BBS9: variants seen among roughly 807,000 people sequenced by gnomAD.
BBS9 encodes the protein protein PTHB1.
Under a neutral mutation model 117.7 loss-of-function variants are expected in BBS9, and 89 were observed. That is an observed-to-expected ratio of 0.76 (90% CI 0.64 to 0.90). The LOEUF is 0.90. Among genes scored for constraint, BBS9 ranks in the 40% least tolerant of loss-of-function variants. The pLI, the probability that BBS9 is intolerant of heterozygous loss-of-function variation, is 0.00. For synonymous variants in BBS9, 379 were observed against 370.9 expected (o/e 1.02, Z -0.25); for missense variants, 982 against 1,042.2 (o/e 0.94, Z 0.80).
At chr7:33,412,283 G>C (rs1191459273) in intron 19 of BBS9, among the ~76,000 whole-genome samples, 1 of 152,178 alleles carries the variant, frequency 6.6e-6, no homozygotes, top group African/African-American at 2.4e-5. Context: ...CATCTCCAGA[G>C]TAGGACTAAC....
At chr7:33,370,046 C>A (rs532528474) in intron 17 of BBS9, among the ~76,000 whole-genome samples, 29 of 152,184 alleles carry the variant, frequency 1.9e-4, no homozygotes, top group African/African-American at 6.7e-4. Flanking sequence ...GATTTTAGTT[C>A]CTTTTTCTGA....
chr7:33,378,646 A>G (rs1307109213), intron 17 of BBS9, among the ~76,000 whole-genome samples: 1 of 152,196 alleles, frequency 6.6e-6, no homozygotes, highest in Non-Finnish European at 1.5e-5. Flanking sequence ...TTGTCAGGAC[A>G]GTAAAAGGAA....
At chr7:33,350,929 C>T (rs1457557329) in intron 13 of BBS9, among the ~76,000 whole-genome samples, 1 of 152,084 alleles carries the variant, frequency 6.6e-6, no homozygotes, top group African/African-American at 2.4e-5. Flanking sequence ...TCTGGCCTCA[C>T]GTGATCCGCC....
chr7:33,340,821 A>G, intron 10 of BBS9, 76 bp from the exon 11 acceptor site: 2 of 1,329,682 alleles, frequency 1.5e-6, no homozygotes, highest in Non-Finnish European at 2.1e-6. Context: ...TGTGGTATAG[A>G]CAAACCTTTA....
intron 21 of BBS9, among the ~76,000 whole-genome samples, chr7:33,588,738 A>C (rs1392331304): frequency 6.6e-6 from 1 of 152,184 alleles, no homozygotes; most frequent in African/African-American, 2.4e-5. Flanking sequence ...TTCACAAGAC[A>C]ATTTTTGAAG....
At chr7:33,424,677 A>G (rs1833389955) in intron 19 of BBS9, among the ~76,000 whole-genome samples, 1 of 152,194 alleles carries the variant, frequency 6.6e-6, no homozygotes, top group Non-Finnish European at 1.5e-5. Context: ...ATTTTGTAGG[A>G]AATTTTAATA....
At chr7:33,252,723 C>T (rs149128085) in intron 5 of BBS9, among the ~76,000 whole-genome samples, 3 of 152,114 alleles carry the variant, frequency 2.0e-5, no homozygotes, top group African/African-American at 7.2e-5. Context: ...TCTTCAATAA[C>T]ACAGATATCA....
At chr7:33,538,381 G>T (rs2129066703) in intron 21 of BBS9, among the ~76,000 whole-genome samples, 1 of 152,258 alleles carries the variant, frequency 6.6e-6, no homozygotes, top group South Asian at 2.1e-4. Flanking sequence ...TAAGTGGATG[G>T]GAGAAAAGAC....
intron 19 of BBS9, among the ~76,000 whole-genome samples, chr7:33,405,240 G>A (rs777055132): frequency 2.6e-5 from 4 of 152,212 alleles, no homozygotes; most frequent in Admixed American, 1.3e-4. Context: ...TGCTGTATTC[G>A]GTTTGCCAGT....
At chr7:33,239,920 G>A (rs1583820795) in intron 5 of BBS9, among the ~76,000 whole-genome samples, 2 of 152,046 alleles carry the variant, frequency 1.3e-5, no homozygotes, top group East Asian at 3.9e-4. Flanking sequence ...GAGGTAGGAG[G>A]ATCCCATGAG....
chr7:33,276,817 C>T lies in BBS9; in HGVS notation c.1016+2861C>T, dbSNP rs73099205. 743 of 153,116 alleles carry T rather than the reference C, an allele frequency of 4.9e-3. 3 individuals are homozygous for T. Among genetic ancestry groups the T allele is most frequent in the Non-Finnish European group, 8.6e-3 (590 of 68,220 alleles). The allele number at this position is 153,116 out of a possible 1,614,324, so 9.5% of individuals were successfully genotyped here. ...GGAAGATACTTCCTTGCCACGTGAG[C>T]GCTGGTGGGCTTCTCACCTTTGCAA... On this transcript the variant is annotated intron_variant, in intron 9 of 22. Transcript: ENST00000242067.
Position 33,286,643 on chromosome 7 carries a change from A to G in BBS9, c.1016+12687A>G, listed in dbSNP as rs1257133672. Among the ~76,000 whole-genome samples, 4 of 152,166 alleles carry G rather than the reference A, an allele frequency of 2.6e-5. No homozygotes were observed. In the East Asian group the frequency reaches 7.7e-4, roughly 29 times the overall value. ...GGAAAAAGTTTGTGTTTTCTTAGTT[A>G]CTTACTGTAGAATATAAAAGAGAAA... On this transcript the variant is annotated intron_variant, in intron 9 of 22. Transcript: ENST00000242067.
chr7:33,302,160 T>C (rs1236395639), intron 9 of BBS9, among the ~76,000 whole-genome samples: 2 of 152,162 alleles, frequency 1.3e-5, no homozygotes, highest in African/African-American at 4.8e-5. Flanking sequence ...TAGAGCTCCT[T>C]ATATATTCTG....
intron 9 of BBS9, among the ~76,000 whole-genome samples, chr7:33,305,373 A>AT (rs1266605919): frequency 6.6e-6 from 1 of 151,894 alleles, no homozygotes; most frequent in Non-Finnish European, 1.5e-5. Context: ...TTATTTATTT[A>AT]TTTTTTTGAT....
intron 19 of BBS9, among the ~76,000 whole-genome samples, chr7:33,445,531 A>G (rs1366029276): frequency 6.6e-6 from 1 of 152,216 alleles, no homozygotes; most frequent in Non-Finnish European, 1.5e-5. Context: ...GACCAGATTG[A>G]GAAATTGAGG....
chr7:33,169,151 T>TG (rs1464559278), intron 4 of BBS9, among the ~76,000 whole-genome samples: 1 of 151,532 alleles, frequency 6.6e-6, no homozygotes, highest in Non-Finnish European at 1.5e-5. Context: ...CATCATTTTT[T>TG]ATGGCTGCAT....
chr7:33,389,932 A>G (rs1029501947), intron 19 of BBS9, among the ~76,000 whole-genome samples: 8 of 152,140 alleles, frequency 5.3e-5, no homozygotes, highest in African/African-American at 1.7e-4. Context: ...TCCATAATGT[A>G]TGGAATTTAC....
chr7:33,501,903 T>C (rs1320484685), intron 19 of BBS9, among the ~76,000 whole-genome samples: 1 of 150,976 alleles, frequency 6.6e-6, no homozygotes, highest in African/African-American at 2.4e-5. Flanking sequence ...AAACTGGACT[T>C]ATTCAATATC....
chr7:33,253,224 C>T (rs1415561550), intron 5 of BBS9, among the ~76,000 whole-genome samples: 3 of 152,156 alleles, frequency 2.0e-5, no homozygotes, highest in Admixed American at 2.0e-4. Context: ...GACAGCAATG[C>T]TGGATGGATC....
Sources: allele counts gnomAD v4.1 joint callset (sites outside exome capture counted in the v4.1 genomes callset), GRCh38; gene constraint gnomAD v4.1.1; transcripts MANE v1.5; gene names NCBI Gene and HGNC (gene_info 2026-07-23, HGNC 2026-07-21).